The following DPYD variants were observed in gnomAD, a reference collection of about 807,000 sequenced individuals.
DPYD encodes dihydropyrimidine dehydrogenase.
A neutral mutation model predicts 116.2 loss-of-function variants in DPYD; 109 were observed. That is an observed-to-expected ratio of 0.94 (90% CI 0.80 to 1.10). The LOEUF (loss-of-function observed/expected upper bound fraction) is 1.10, where lower values mean the gene tolerates loss of function less well. DPYD is among the 50% of genes least tolerant of loss of function. The pLI is 0.00. For missense variants in DPYD, 1,302 were observed against 1,254.5 expected, an observed-to-expected ratio of 1.04 and a Z score of -0.57; for synonymous variants, 440 against 432.0, an observed-to-expected ratio of 1.02 and a Z score of -0.23.
chr1:97,529,664 TC>T (rs1479810475), intron 12 of DPYD, among the ~76,000 whole-genome samples: 3 of 150,240 alleles, frequency 2.0e-5, no homozygotes, highest in East Asian at 1.9e-4. Flanking sequence ...TTCCTTTTTT[TC>T]TTTTCTCTTT....
chr1:97,389,727 T>C (rs1369933675), intron 14 of DPYD, among the ~76,000 whole-genome samples: 1 of 152,060 alleles, frequency 6.6e-6, no homozygotes, highest in East Asian at 1.9e-4. Context: ...TTTGTAAACA[T>C]CTAATTTCTA....
chr1:97,439,360 T>A (rs575073121), intron 14 of DPYD, among the ~76,000 whole-genome samples: 1 of 152,182 alleles, frequency 6.6e-6, no homozygotes, highest in South Asian at 2.1e-4. Flanking sequence ...CTAAGTAGTT[T>A]AGCGAATCTA....
chr1:97,438,406 G>A (rs1434884054), intron 14 of DPYD, among the ~76,000 whole-genome samples: 3 of 151,914 alleles, frequency 2.0e-5, no homozygotes, highest in Non-Finnish European at 4.4e-5. Flanking sequence ...GAAATGGATT[G>A]TTGTTTTCAG....
rs1431555133 is a variant in DPYD, at chr1:97,525,789, A to AGAGAGAGAGT, written c.1525-9849_1525-9848insACTCTCTCTC. ...GAGAGAGAGAGAGAGAGAGAGAGAG[A>AGAGAGAGAGT]GTGTGTGTGTGTTTTAGGCCAGTCT... On this transcript the variant is annotated intron_variant, in intron 12 of 22. Transcript: ENST00000370192. 2.0e-3 allele frequency among the ~76,000 whole-genome samples: 282 copies of AGAGAGAGAGT among 142,680 alleles called. 3 individuals carry two copies. Among genetic ancestry groups the AGAGAGAGAGT allele is most frequent in the African/African-American group, 7.0e-3 (263 of 37,436 alleles). The allele number at this position is 142,680 out of a possible 152,430, so 93.6% of individuals were successfully genotyped here.
intron 11 of DPYD, among the ~76,000 whole-genome samples, chr1:97,567,177 C>T (rs1347812154): frequency 1.3e-5 from 2 of 152,106 alleles, no homozygotes; most frequent in Non-Finnish European, 2.9e-5. Context: ...AACCCATGGC[C>T]TGCACCTTTT....
At chr1:97,320,008 A>G (rs977265450) in intron 16 of DPYD, among the ~76,000 whole-genome samples, 1 of 140,450 alleles carries the variant, frequency 7.1e-6, no homozygotes, top group Non-Finnish European at 1.6e-5. Flanking sequence ...TAGATGCAGA[A>G]AAGGCCTTTG....
chr1:97,850,463 CAATG>C (rs1171121231), intron 2 of DPYD, among the ~76,000 whole-genome samples: 10 of 152,086 alleles, frequency 6.6e-5, no homozygotes. Flanking sequence ...TTCACTTTTA[CAATG>C]CTTCTTAATG....
At chr1:97,770,796 A>G (rs567622809) in intron 3 of DPYD, among the ~76,000 whole-genome samples, 1 of 152,166 alleles carries the variant, frequency 6.6e-6, no homozygotes, top group Admixed American at 6.5e-5. Flanking sequence ...AACATTTACT[A>G]GTTCCTTAAT....
chr1:97,574,628 T>C (rs1210806068), intron 10 of DPYD, among the ~76,000 whole-genome samples: 2 of 152,190 alleles, frequency 1.3e-5, no homozygotes, highest in African/African-American at 2.4e-5. Flanking sequence ...AAAATCTGGA[T>C]ACCTCGGTTT....
At chr1:97,110,629 T>A (rs573950695) in intron 20 of DPYD, among the ~76,000 whole-genome samples, 3 of 152,252 alleles carry the variant, frequency 2.0e-5, no homozygotes, top group African/African-American at 7.2e-5. Context: ...ATCATTAATT[T>A]ACTTCCCTTC....
intron 19 of DPYD, among the ~76,000 whole-genome samples, chr1:97,214,486 GAATATTCAACCACGTTGGAT>G (rs1660244417): frequency 6.6e-6 from 1 of 152,184 alleles, no homozygotes; most frequent in African/African-American, 2.4e-5. Flanking sequence ...ATAACTTTAT[GAATATTCAACCACGTTGGAT>G]AATCACAAGT....
chr1:97,378,420 G>GTTAGTGTT (rs746008455), intron 15 of DPYD, among the ~76,000 whole-genome samples: 5 of 152,310 alleles, frequency 3.3e-5, no homozygotes, highest in Non-Finnish European at 7.4e-5. Flanking sequence ...AAACTGGCTT[G>GTTAGTGTT]TTAGTGTTTT....
At chr1:97,552,014 A>G (rs576384243) in intron 11 of DPYD, among the ~76,000 whole-genome samples, 1 of 152,226 alleles carries the variant, frequency 6.6e-6, no homozygotes, top group African/African-American at 2.4e-5. Context: ...ATTTTCTATA[A>G]CAGACTTAAG....
chr1:97,734,252 G>C lies in DPYD; in HGVS notation c.321+6140C>G, dbSNP rs535316569. ...AGATAACCTATGAAAGATTCTAAAA[G>C]TAAAGTCAAAATTATTCCAGATCTA... On this transcript the variant is annotated intron_variant, in intron 4 of 22. Coordinates refer to ENST00000370192, the MANE Select transcript of DPYD (RefSeq NM_000110.4). Among the ~76,000 whole-genome samples, 63 of 152,148 alleles carry C rather than the reference G, an allele frequency of 4.1e-4. No homozygotes were observed. The South Asian group carries it at 0.013, about 31-fold the overall frequency.
chr1:97,381,922 T>C (rs1327145392), intron 15 of DPYD, among the ~76,000 whole-genome samples: 1 of 152,230 alleles, frequency 6.6e-6, no homozygotes, highest in Non-Finnish European at 1.5e-5. Flanking sequence ...CGCTCTTTTA[T>C]GCATGTCTGT....
In DPYD at chr1:97,302,464, C is replaced by T. The variant is rs114438654; in HGVS notation, c.2299+2795G>A. Among the ~76,000 whole-genome samples the T allele has an allele frequency of 5.6e-3, 855 of 151,742 alleles. 5 individuals are homozygous for T. The highest frequency in any genetic ancestry group is 0.014 in the Middle Eastern group (4 of 294). On this transcript the variant is annotated intron_variant, in intron 18 of 22. Coordinates refer to ENST00000370192, the MANE Select transcript of DPYD (RefSeq NM_000110.4). ...GAGTTTGTTTCATATATTTAAGCAC[C>T]GCCCCCCAGAGTTTAATCATCTGTA...
chr1:97,676,400 T>C (rs1557876722), intron 8 of DPYD, among the ~76,000 whole-genome samples: 1 of 152,174 alleles, frequency 6.6e-6, no homozygotes. Flanking sequence ...TGCTTCCCTC[T>C]TTCCCACTTC....
intron 3 of DPYD, among the ~76,000 whole-genome samples, chr1:97,747,343 A>G (rs982549906): frequency 5.3e-5 from 8 of 152,194 alleles, no homozygotes; most frequent in African/African-American, 1.9e-4. Context: ...AGTGAGGTAC[A>G]CTTTAATCAA....
At chr1:97,672,650 A>AT (rs1471757862) in intron 8 of DPYD, among the ~76,000 whole-genome samples, 10 of 152,182 alleles carry the variant, frequency 6.6e-5, no homozygotes, top group Non-Finnish European at 1.3e-4. Flanking sequence ...AGTAAAGCAA[A>AT]TGGTCTAAAA....
Sources: allele counts gnomAD v4.1 joint callset (sites outside exome capture counted in the v4.1 genomes callset), GRCh38; gene constraint gnomAD v4.1.1; transcripts MANE v1.5; gene names NCBI Gene and HGNC (gene_info 2026-07-23, HGNC 2026-07-21).